Variants in RNF213 observed in about 807,000 individuals in gnomAD.
RNF213 encodes ring finger protein 213.
In RNF213, 341 loss-of-function variants were observed where a neutral mutation model predicts 514.4. The ratio of observed to expected loss-of-function variants is 0.66; its 90% confidence interval spans 0.61 to 0.73. The LOEUF (loss-of-function observed/expected upper bound fraction) is 0.73. Among genes scored for constraint, RNF213 ranks in the 30% least tolerant of loss-of-function variants. The probability of loss-of-function intolerance (pLI) is 0.00; values close to 1 mark genes in which losing one functional copy is unlikely to be tolerated. For synonymous variants in RNF213, 2,655 were observed against 2,658.2 expected (o/e 1.00, Z 0.04); for missense variants, 5,767 against 6,615.6 (o/e 0.87, Z 4.45).
At chr17:80,382,779 T>C (rs1339556260) in intron 57 of RNF213, 200 bp from the exon 58 acceptor site, 1 of 527,846 alleles carries the variant, frequency 1.9e-6, no homozygotes, top group East Asian at 3.6e-5. Context: ...GAGGAATTTT[T>C]AGAGATTGAT....
intron 37 of RNF213, 139 bp downstream of exon 37, chr17:80,358,618 A>T (rs1422396486): frequency 2.6e-6 from 2 of 779,008 alleles, no homozygotes; most frequent in Non-Finnish European, 4.4e-6. Flanking sequence ...TGCAGTAACA[A>T]TAGGAAGTTT....
intron 1 of RNF213, among the ~76,000 whole-genome samples, chr17:80,261,161 A>G (rs1281560188): frequency 6.6e-6 from 1 of 151,958 alleles, no homozygotes; most frequent in Non-Finnish European, 1.5e-5. Flanking sequence ...GACCCCGGCG[A>G]CATCCCCGGA....
At position 80,288,203 on chromosome 17, in the gene RNF213, C is replaced by G; in HGVS notation, c.650C>G (p.Ser217Cys). 5 of 1,613,006 alleles carry G rather than the reference C, an allele frequency of 3.1e-6. No individual in the cohort carries two copies. The highest frequency in any genetic ancestry group is 4.2e-6 in the Non-Finnish European group (5 of 1,179,708). ...ASIPSGGRGL[S>C]QEGTGPPTSA... ...ATCCCCTCTGGGGGCAGAGGCCTGT[C>G]CCAGGAGGGGACCGGTCCCCCCACC... Residue 217 changes from serine (S) to cysteine (C), a missense_variant, in exon 4 of 68, where the codon TCC becomes TGC. Ser to Cys is a moderately radical substitution (Grantham distance 112, BLOSUM62 -1). Coordinates refer to ENST00000582970, the MANE Select transcript of RNF213 (RefSeq NM_001256071.3). The surrounding 1 kb of genome is among the most constrained non-coding windows in gnomAD (Gnocchi z 4.9).
chr17:80,318,349 G>C (rs531867684), intron 16 of RNF213, among the ~76,000 whole-genome samples: 14 of 152,258 alleles, frequency 9.2e-5, no homozygotes, highest in African/African-American at 3.4e-4. Flanking sequence ...TTTTGCCAGG[G>C]ACCCGCCCCT....
Position 80,330,019 on chromosome 17 carries a change from C to T in RNF213, c.3517+1542C>T, listed in dbSNP as rs146877539. ...CATCTAACTGTCATCATTTTTCTCT[C>T]GGATTTTCTATCTCTGTTTTTTGCT... On this transcript the variant is annotated intron_variant, in intron 20 of 67. Coordinates refer to ENST00000582970, the MANE Select transcript of RNF213 (RefSeq NM_001256071.3). 1.4e-3 allele frequency among the ~76,000 whole-genome samples: 208 copies of T among 152,226 alleles called. 2 individuals carry two copies. Among genetic ancestry groups the T allele is most frequent in the African/African-American group, 4.7e-3 (196 of 41,540 alleles).
Position 80,288,586 on chromosome 17 carries a change from C to A in RNF213, c.811-47C>A, listed in dbSNP as rs145581088. 6.2e-7 allele frequency: 1 copy of A among 1,614,056 alleles called. No individual in the cohort carries two copies. Among genetic ancestry groups the A allele is most frequent in the East Asian group, 2.2e-5 (1 of 44,870 alleles). On this transcript the variant is annotated intron_variant, in intron 4 of 67. Transcript: ENST00000582970. This position sits in a 1 kb window ranked among gnomAD's most constrained non-coding sequence, Gnocchi z 4.9. ...CCCTTAAACCATTGAGTCGGAGTCA[C>A]CCTGGCCCATTTTGTCACCTTGGCT... is the stretch of plus-strand genomic sequence containing the variant.
chr17:80,330,111 A>G (rs2046373905), intron 20 of RNF213, among the ~76,000 whole-genome samples: 1 of 152,124 alleles, frequency 6.6e-6, no homozygotes, highest in Non-Finnish European at 1.5e-5. Context: ...TTTCGTATAT[A>G]TATTTAATGT....
rs540012253 is a variant in RNF213, at chr17:80,364,417, C to T, written c.11751-16C>T. 2.2e-4 allele frequency: 362 copies of T among 1,613,922 alleles called. 4 individuals are homozygous for T. The South Asian group carries it at 3.5e-3, about 16-fold the overall frequency. On this transcript the variant is annotated splice_polypyrimidine_tract_variant and intron_variant, in intron 41 of 67. Transcript: ENST00000582970. ...GGGAGCCGAGTGAGTGAGTGAGTGG[C>T]GCCCTCTTTTGACAGAGCCCAGTGG...
intron 2 of RNF213, among the ~76,000 whole-genome samples, chr17:80,270,298 G>A (rs933833574): frequency 4.6e-5 from 7 of 152,224 alleles, no homozygotes; most frequent in African/African-American, 1.7e-4. Context: ...GTTTTGCCGT[G>A]ACATAGGCTG....
chr17:80,365,773 C>T (rs2079243523), intron 42 of RNF213, among the ~76,000 whole-genome samples: 1 of 152,208 alleles, frequency 6.6e-6, no homozygotes, highest in Non-Finnish European at 1.5e-5. Flanking sequence ...CATGCAGCCT[C>T]TCCAAGTCTC....
intron 30 of RNF213, 150 bp from the exon 31 acceptor site, chr17:80,350,151 C>T (rs1184506089): frequency 1.3e-6 from 1 of 755,282 alleles, no homozygotes; most frequent in African/African-American, 1.7e-5. Context: ...CCTTGGGTTT[C>T]CTCCCCTGGA....
At chr17:80,295,092 C>A in intron 9 of RNF213, 89 bp downstream of exon 9, 1 of 1,504,268 alleles carries the variant, frequency 6.6e-7, no homozygotes, top group Non-Finnish European at 9.2e-7. Flanking sequence ...ACTCTGTGGG[C>A]CAGGTTGCAA....
At chr17:80,268,703 C>A (rs1428146595) in intron 2 of RNF213, among the ~76,000 whole-genome samples, 1 of 152,030 alleles carries the variant, frequency 6.6e-6, no homozygotes, top group East Asian at 1.9e-4. Flanking sequence ...CATCCATGTA[C>A]CTATCCATCC....
In RNF213 at chr17:80,379,698, G is replaced by A. The variant is rs375753576; in HGVS notation, c.13624G>A (p.Gly4542Ser). Residue 4542 changes from glycine to serine, a missense_variant, in exon 55 of 68, where the codon GGC becomes AGC. This residue lies in a region of RNF213 where 1,245 missense variants were observed against 1,339.0 expected (regional missense o/e 0.93). Transcript: ENST00000582970. ...AGGCATTGACCACAAACCTCGGGAC[G>A]GCTTTCATCTGGTCAAGTATGTGGG... ...IGGIDHKPRDGFHLVKDKADR... is the reference protein window; with the variant it reads ...IGGIDHKPRDSFHLVKDKADR... The A allele has an allele frequency of 1.7e-5, 27 of 1,614,006 alleles. No individual in the cohort carries two copies. The highest frequency in any genetic ancestry group is 1.1e-4 in the African/African-American group (8 of 74,944).
In RNF213 at chr17:80,368,025, G is replaced by A. The variant is rs397514563; in HGVS notation, c.12037G>A (p.Asp4013Asn). 2.5e-6 allele frequency: 4 copies of A among 1,614,118 alleles called. No individual in the cohort carries two copies. The highest frequency in any genetic ancestry group is 1.1e-5 in the South Asian group (1 of 91,086). The change falls in exon 44 of 68, where the codon GAC becomes AAC. Residue 4013 changes from aspartate to asparagine, a missense_variant. Asp to Asn is a conservative substitution (Grantham distance 23). Around this residue, in one of 13 missense-constraint regions of RNF213, gnomAD observed 25 missense variants for 53.1 expected, o/e 0.47. Coordinates refer to ENST00000582970, the MANE Select transcript of RNF213 (RefSeq NM_001256071.3). ...AAAGGACCCCGTCTGTCTGCCCTGC[G>A]ACCACGTGCACTGCCTGCGCTGCCT... ...DAKDPVCLPC[D>N]HVHCLRCLRA...
At chr17:80,311,537 C>T (rs950943576) in intron 14 of RNF213, among the ~76,000 whole-genome samples, 10 of 152,222 alleles carry the variant, frequency 6.6e-5, no homozygotes, top group Admixed American at 6.5e-5. Context: ...GCCCCCTCTG[C>T]GGGCTCTCTT....
At chr17:80,314,120 GAA>G (rs2045725632) in intron 15 of RNF213, among the ~76,000 whole-genome samples, 2 of 94,044 alleles carry the variant, frequency 2.1e-5, no homozygotes, top group Non-Finnish European at 4.7e-5. Flanking sequence ...TGGTGGTGGT[GAA>G]GGTGATGGTG....
chr17:80,366,636 A>G (rs2079284594), intron 42 of RNF213, among the ~76,000 whole-genome samples: 1 of 148,614 alleles, frequency 6.7e-6, no homozygotes, highest in Admixed American at 6.8e-5. Flanking sequence ...TCCAAGTAAG[A>G]TTAATCCCAG....
At chr17:80,363,923 A>G in intron 41 of RNF213, 133 bp downstream of exon 41, 4 of 894,078 alleles carry the variant, frequency 4.5e-6, no homozygotes, top group South Asian at 2.8e-5. Context: ...TCACCCGTTC[A>G]CTCCGCATTT....
Sources: gnomAD v4.1 joint callset for allele counts (sites outside exome capture counted in the v4.1 genomes callset) on GRCh38, gnomAD v4.1.1 for gene constraint, gnomAD v4.1.1 regional missense constraint, Gnocchi (gnomAD v3.1) non-coding constraint, MANE v1.5 for transcripts, NCBI Gene and HGNC (gene_info 2026-07-23, HGNC 2026-07-21) for gene names.